The following ZNF83 variants were observed in gnomAD, a reference collection of about 807,000 sequenced individuals.
The protein encoded by ZNF83 is zinc finger protein 83, also known as zinc finger protein 816B.
For synonymous variants in ZNF83, 209 were observed against 213.0 expected, an observed-to-expected ratio of 0.98 and a Z score of 0.17; for missense variants, 552 against 629.9, an observed-to-expected ratio of 0.88 and a Z score of 1.32.
chr19:52,622,514 T>C (rs545335045), intron 2 of ZNF83, among the ~76,000 whole-genome samples: 57 of 152,172 alleles, frequency 3.7e-4, no homozygotes, highest in African/African-American at 1.3e-3. Context: ...CCCAAGAAGA[T>C]CCCTAATGGG....
At chr19:52,629,879 TTTAATTAA>T in intron 2 of ZNF83, among the ~76,000 whole-genome samples, 1 of 152,330 alleles carries the variant, frequency 6.6e-6, no homozygotes, top group East Asian at 1.9e-4. Flanking sequence ...CACAACAGGA[TTTAATTAA>T]CCTCACCTTC....
chr19:52,618,726 C>T (rs1329955335), intron 2 of ZNF83: 5 of 964,072 alleles, frequency 5.2e-6, no homozygotes, highest in South Asian at 1.8e-5. Flanking sequence ...TTCTTTACTT[C>T]TGGAACCCCC....
intron 3 of ZNF83, among the ~76,000 whole-genome samples, chr19:52,647,165 G>C (rs531724209): frequency 6.6e-6 from 1 of 152,102 alleles, no homozygotes; most frequent in Non-Finnish European, 1.5e-5. Context: ...CCTGCAAAAA[G>C]GGAAGAGAGT....
At chr19:52,669,965 G>T (rs1437706707) in intron 1 of ZNF83, among the ~76,000 whole-genome samples, 1 of 152,248 alleles carries the variant, frequency 6.6e-6, no homozygotes, top group Non-Finnish European at 1.5e-5. Flanking sequence ...GAAAATGCAA[G>T]AGAAGGGAAT....
intron 1 of ZNF83, among the ~76,000 whole-genome samples, chr19:52,678,045 A>G (rs1277362979): frequency 6.6e-6 from 1 of 150,940 alleles, no homozygotes; most frequent in African/African-American, 2.5e-5. Flanking sequence ...AAAACAAAAC[A>G]AAACAAAAAA....
At chr19:52,613,031 A>C in exon 3 of ZNF83, 1 of 1,599,444 alleles carries the variant, frequency 6.3e-7, no homozygotes, top group Non-Finnish European at 8.5e-7. Context: ...CATGTGTTAG[A>C]TTTCTTTCCG....
chr19:52,644,917 G>A (rs2061352970), intron 3 of ZNF83, among the ~76,000 whole-genome samples: 1 of 151,186 alleles, frequency 6.6e-6, no homozygotes, highest in Non-Finnish European at 1.5e-5. Context: ...GGCAGAGGCA[G>A]GAGAATAGCT....
intron 3 of ZNF83, among the ~76,000 whole-genome samples, chr19:52,649,472 C>T (rs1198173910): frequency 6.6e-6 from 1 of 152,106 alleles, no homozygotes; most frequent in Non-Finnish European, 1.5e-5. Flanking sequence ...CCAAAACGTT[C>T]CCATTGTAGA....
chr19:52,661,458 C>A (rs1341881606), intron 1 of ZNF83, among the ~76,000 whole-genome samples: 1 of 152,184 alleles, frequency 6.6e-6, no homozygotes, highest in Non-Finnish European at 1.5e-5. Flanking sequence ...GGATCACAGA[C>A]TGACCTCAGT....
At chr19:52,618,662 G>T in intron 2 of ZNF83, 1 of 498,232 alleles carries the variant, frequency 2.0e-6, no homozygotes, top group Non-Finnish European at 3.3e-6. Flanking sequence ...CTCCCAAAGT[G>T]CTGGGATTAC....
intron 1 of ZNF83, among the ~76,000 whole-genome samples, chr19:52,684,153 G>C (rs1227544686): frequency 6.6e-6 from 1 of 152,092 alleles, no homozygotes; most frequent in Non-Finnish European, 1.5e-5. Context: ...TGGATCACTT[G>C]AGGTCAGGAG....
rs903419270 is a variant in ZNF83 at position 52,653,174 on chromosome 19, G to A, written c.-74+2387C>T. On this transcript the variant is annotated intron_variant, in intron 3 of 5. Coordinates refer to the ZNF83 transcript ENST00000594682. ...GGTTTTTCTCCGGTATGAAGTCTAC[G>A]ATGGCCCACAAGGGATGACTTCTGA... 50 of 1,493,876 alleles carry A rather than the reference G, an allele frequency of 3.3e-5. No individual in the cohort carries two copies. The Admixed American group carries it at 3.6e-4, about 11-fold the overall frequency. The allele number at this position is 1,493,876 out of a possible 1,614,324, so 92.5% of individuals were successfully genotyped here.
At chr19:52,652,782 A>G (rs367808998) in intron 3 of ZNF83, 4 of 849,848 alleles carry the variant, frequency 4.7e-6, no homozygotes, top group South Asian at 4.2e-5. Flanking sequence ...ACTGCCCACT[A>G]AAGGCTTTGC....
exon 3 of ZNF83, chr19:52,613,518 T>C (rs578014466): frequency 2.5e-6 from 4 of 1,614,104 alleles, no homozygotes; most frequent in East Asian, 2.2e-5. Context: ...CCTTGCCACA[T>C]TCATTACATT....
chr19:52,617,930 A>T (rs1218355138), intron 2 of ZNF83: 1 of 152,320 alleles, frequency 6.6e-6, no homozygotes, highest in African/African-American at 2.4e-5. Context: ...AGATGGACTT[A>T]GGAAAATATC....
exon 3 of ZNF83, chr19:52,614,687 C>A: frequency 1.5e-6 from 2 of 1,360,456 alleles, no homozygotes; most frequent in South Asian, 4.2e-5. Context: ...AAGCAAAAAT[C>A]TTGTATGTCG....
At chr19:52,614,062 C>A in exon 3 of ZNF83, 2 of 1,612,234 alleles carry the variant, frequency 1.2e-6, no homozygotes, top group Non-Finnish European at 1.7e-6. Context: ...ATGAATCCTG[C>A]GATGCTGTGC....
chr19:52,686,309 G>A (rs745362), intron 1 of ZNF83, among the ~76,000 whole-genome samples: 105,588 of 151,398 alleles, frequency 0.7, 38,250 homozygotes, highest in African/African-American at 0.91. Flanking sequence ...GAGGTCAACG[G>A]GAACTTAACT....
At chr19:52,652,780 C>G in intron 3 of ZNF83, 1 of 846,788 alleles carries the variant, frequency 1.2e-6, no homozygotes, top group Non-Finnish European at 1.9e-6. Context: ...TGACTGCCCA[C>G]TAAAGGCTTT....
Sources: allele counts gnomAD v4.1 joint callset (sites outside exome capture counted in the v4.1 genomes callset), GRCh38; gene constraint gnomAD v4.1.1; transcripts MANE v1.5; gene names NCBI Gene and HGNC (gene_info 2026-07-23, HGNC 2026-07-21).